The following VPS13D variants were observed in gnomAD, a reference collection of about 807,000 sequenced individuals.
VPS13D encodes the protein intermembrane lipid transfer protein VPS13D.
VPS13D carries 187 observed loss-of-function variants against 461.9 expected under a neutral mutation model. The observed-to-expected ratio is 0.40, with a 90% CI of 0.36 to 0.46. The LOEUF (loss-of-function observed/expected upper bound fraction) is 0.46, where lower values mean the gene tolerates loss of function less well. Ranked by LOEUF, VPS13D falls within the 20% of genes least tolerant of loss-of-function variation. The probability of loss-of-function intolerance (pLI) is 0.60; values close to 1 mark genes in which losing one functional copy is unlikely to be tolerated. For synonymous variants in VPS13D, 1,951 were observed against 1,986.3 expected (o/e 0.98, Z 0.47); for missense variants, 4,711 against 5,364.9 (o/e 0.88, Z 3.81).
Position 12,299,230 on chromosome 1 carries a change from G to A in VPS13D, c.6062G>A (p.Arg2021Gln). The A allele has an allele frequency of 2.5e-6, 4 of 1,612,400 alleles. No homozygotes were observed. The highest frequency in any genetic ancestry group is 3.4e-6 in the Non-Finnish European group (4 of 1,179,684). The stretch of plus-strand genomic sequence containing the variant: ...AGAGATCAAGCCCAGCGCTGTTCAC[G>A]GGTTCTCCTGGATATTGAGGCTGGT... ...TVRDQAQRCS[R>Q]VLLDIEAGAP... Residue 2021 changes from arginine to glutamine, a missense_variant, in exon 25 of 70, where the codon CGG becomes CAG. Physicochemically the swap from Arg to Gln is conservative, Grantham distance 43. Transcript: ENST00000620676. This position sits in a 1 kb window ranked among gnomAD's most constrained non-coding sequence, Gnocchi z 4.2.
At chr1:12,452,510 T>C (rs1050745676) in intron 65 of VPS13D, among the ~76,000 whole-genome samples, 6 of 152,266 alleles carry the variant, frequency 3.9e-5, no homozygotes, top group African/African-American at 1.4e-4. Context: ...CCACTTGTTT[T>C]CTGCTGTCTT....
rs560808969 is a variant in VPS13D, at chr1:12,332,474, A to T, written c.8288-752A>T. On this transcript the variant is annotated intron_variant, in intron 37 of 69. Coordinates refer to ENST00000620676, the MANE Select transcript of VPS13D (RefSeq NM_015378.4). ...AACAAGAATAGAAACTTGAAAAAGA[A>T]TGCGCATGGGGATTCCATTTATGTA... 1.2e-4 allele frequency among the ~76,000 whole-genome samples: 19 copies of T among 152,342 alleles called. 1 individual carries two copies. In the South Asian group the frequency reaches 3.9e-3, roughly 32 times the overall value.
intron 27 of VPS13D, 106 bp downstream of exon 27, chr1:12,308,747 T>C (rs977355477): frequency 6.8e-6 from 7 of 1,032,612 alleles, no homozygotes; most frequent in Non-Finnish European, 1.0e-5. Flanking sequence ...CCTCTGAGGT[T>C]CAAGTGATTC....
rs774759798 is a variant in VPS13D, at chr1:12,276,406, T to G, written c.2818T>G (p.Leu940Val). The G allele has an allele frequency of 5.0e-6, 8 of 1,613,982 alleles. No individual in the cohort carries two copies. In the South Asian group the frequency reaches 6.6e-5, roughly 13 times the overall value. ...AATGAATTTAACCCAGAGCATTGTG[T>G]TGTTGGAGCAGCATACCCGCGAGGT... ...SVMNLTQSIVLLEQHTREVLV... is the reference protein window; with the variant it reads ...SVMNLTQSIVVLEQHTREVLV... The change falls in exon 19 of 70, where the codon TTG (leucine) becomes GTG (valine). Residue 940 changes from leucine to valine, a missense_variant. This residue lies in a region of VPS13D where 4,411 missense variants were observed against 4,937.8 expected (regional missense o/e 0.89). Coordinates refer to ENST00000620676, the MANE Select transcript of VPS13D (RefSeq NM_015378.4). The surrounding 1 kb of genome is among the most constrained non-coding windows in gnomAD (Gnocchi z 4.5).
In VPS13D at chr1:12,244,657, G is replaced by A. The variant is rs758193106; in HGVS notation, c.447+40G>A. On this transcript the variant is annotated intron_variant, in intron 5 of 69. Transcript: ENST00000620676. ...CTTTTATAAAAGTATCAACGTGAAA[G>A]GGATTTCTCAGGTTTAAACGTGTTT... 5.3e-5 allele frequency: 83 copies of A among 1,573,598 alleles called. No individual in the cohort carries two copies. In the African/African-American group the frequency reaches 6.1e-4, roughly 12 times the overall value.
At chr1:12,369,408 C>T in intron 53 of VPS13D, 59 bp from the exon 54 acceptor site, 6 of 1,527,636 alleles carry the variant, frequency 3.9e-6, no homozygotes, top group Non-Finnish European at 4.5e-6. Context: ...CACTGACTCA[C>T]TTTTCAGTAA....
chr1:12,354,324 A>G, intron 47 of VPS13D, 103 bp downstream of exon 47: 3 of 1,388,024 alleles, frequency 2.2e-6, no homozygotes, highest in Non-Finnish European at 2.9e-6. Flanking sequence ...ATTGGGGCAC[A>G]TATAATATCT....
At chr1:12,432,386 C>T (rs1645003147) in intron 65 of VPS13D, among the ~76,000 whole-genome samples, 1 of 148,816 alleles carries the variant, frequency 6.7e-6, no homozygotes, top group Admixed American at 6.7e-5. Context: ...AAGAGCAAAA[C>T]TCCGTCTCAA....
At chr1:12,411,668 G>A (rs576758321) in intron 63 of VPS13D, among the ~76,000 whole-genome samples, 6 of 152,330 alleles carry the variant, frequency 3.9e-5, no homozygotes, top group African/African-American at 1.4e-4. Context: ...TTACAATTCT[G>A]TGGGTTAATA....
intron 43 of VPS13D, among the ~76,000 whole-genome samples, chr1:12,346,164 G>A (rs1643670882): frequency 6.6e-6 from 1 of 152,198 alleles, no homozygotes; most frequent in Admixed American, 6.5e-5. Flanking sequence ...AGGTGGAAAT[G>A]CAGACGTGCA....
chr1:12,456,063 G>A lies in VPS13D; in HGVS notation c.12399G>A (p.Glu4133=). The part of the protein sequence containing the change: ...TMDNRHQSER[E]YIRYHAATSG... ...ACAATCGGCATCAGTCAGAGCGGGAGTACATCAGGTACCATGCAGCCACAA... is the reference window on the plus strand; with the variant it reads ...ACAATCGGCATCAGTCAGAGCGGGAATACATCAGGTACCATGCAGCCACAA... The change falls in exon 66 of 70, where the codon GAG becomes GAA. Residue 4133 remains glutamate (E), a synonymous_variant. Coordinates refer to ENST00000620676, the MANE Select transcript of VPS13D (RefSeq NM_015378.4). 1.2e-6 allele frequency: 2 copies of A among 1,614,006 alleles called. No individual in the cohort carries two copies. Among genetic ancestry groups the A allele is most frequent in the Non-Finnish European group, 1.7e-6 (2 of 1,179,946 alleles).
intron 37 of VPS13D, among the ~76,000 whole-genome samples, chr1:12,331,494 T>G (rs1643330626): frequency 6.6e-6 from 1 of 151,740 alleles, no homozygotes; most frequent in Non-Finnish European, 1.5e-5. Context: ...GATCATCAGG[T>G]CAGGAGATTG....
chr1:12,322,178 G>C (rs1010303694), intron 33 of VPS13D, among the ~76,000 whole-genome samples: 1 of 152,104 alleles, frequency 6.6e-6, no homozygotes, highest in Non-Finnish European at 1.5e-5. Flanking sequence ...TCATTCTCCT[G>C]CCTCAGCCTC....
intron 67 of VPS13D, among the ~76,000 whole-genome samples, chr1:12,493,474 C>T (rs1645914653): frequency 6.9e-6 from 1 of 144,230 alleles, no homozygotes; most frequent in African/African-American, 2.6e-5. Flanking sequence ...CAGAGCGAGA[C>T]TCCATCTCAA....
intron 55 of VPS13D, among the ~76,000 whole-genome samples, chr1:12,378,194 A>G (rs943976492): frequency 3.9e-5 from 6 of 152,226 alleles, no homozygotes; most frequent in Admixed American, 2.6e-4. Flanking sequence ...TAAAATGCAC[A>G]TTATTTGTAA....
At chr1:12,433,840 T>A (rs1557436343) in intron 65 of VPS13D, among the ~76,000 whole-genome samples, 1 of 151,662 alleles carries the variant, frequency 6.6e-6, no homozygotes. Context: ...GGTGTCAGAA[T>A]GTATTAGGCA....
At chr1:12,416,479 G>A (rs1644795696) in intron 64 of VPS13D, among the ~76,000 whole-genome samples, 181 bp from the exon 65 acceptor site, 1 of 152,218 alleles carries the variant, frequency 6.6e-6, no homozygotes. Context: ...CTTAGGTGGT[G>A]CTCCTGAAAG....
At chr1:12,444,093 C>T (rs578198867) in intron 65 of VPS13D, among the ~76,000 whole-genome samples, 2 of 152,144 alleles carry the variant, frequency 1.3e-5, no homozygotes, top group Non-Finnish European at 2.9e-5. Flanking sequence ...GATCCGCCCG[C>T]CCATCCCAAA....
rs1388454560 is a variant in VPS13D at position 12,505,494 on chromosome 1, C to T, written c.12795-1359C>T. Among the ~76,000 whole-genome samples the T allele has an allele frequency of 6.6e-6, 1 of 152,198 alleles. No individual in the cohort carries two copies. The highest frequency in any genetic ancestry group is 1.9e-4 in the East Asian group (1 of 5,200). On this transcript the variant is annotated intron_variant, in intron 68 of 69. Transcript: ENST00000620676. The surrounding 1 kb of genome is among the most constrained non-coding windows in gnomAD (Gnocchi z 4.2). ...AAATCCCAGTTTTTGTCATGGGCGT[C>T]TGTAATTAAAATGGCAACTGGAACA... is the stretch of plus-strand genomic sequence containing the variant.
Sources: allele counts gnomAD v4.1 joint callset (sites outside exome capture counted in the v4.1 genomes callset), GRCh38; gene constraint gnomAD v4.1.1; regional missense constraint gnomAD v4.1.1; non-coding constraint Gnocchi (gnomAD v3.1); transcripts MANE v1.5; gene names NCBI Gene and HGNC (gene_info 2026-07-23, HGNC 2026-07-21).